Variants in TASP1 observed in about 807,000 individuals in gnomAD.
The protein encoded by TASP1 is threonine aspartase 1.
In TASP1, 16 loss-of-function variants were observed where a neutral mutation model predicts 56.6. The observed-to-expected ratio is 0.28, with a 90% CI of 0.19 to 0.43. The LOEUF (loss-of-function observed/expected upper bound fraction) is 0.43, where lower values mean the gene tolerates loss of function less well. Among genes scored for constraint, TASP1 ranks in the 20% least tolerant of loss-of-function variants. TASP1 has a pLI of 1.00. For missense variants in TASP1, 393 were observed against 511.6 expected (o/e 0.77, Z 2.24); for synonymous variants, 179 against 184.2 (o/e 0.97, Z 0.23).
At chr20:13,576,512 G>A (rs1160532981) in intron 6 of TASP1, among the ~76,000 whole-genome samples, 1 of 151,892 alleles carries the variant, frequency 6.6e-6, no homozygotes, top group East Asian at 1.9e-4. Flanking sequence ...ACAATGAACA[G>A]TTGGAAATTA....
chr20:13,565,583 A>G (rs964956219), intron 7 of TASP1, among the ~76,000 whole-genome samples: 4 of 152,322 alleles, frequency 2.6e-5, no homozygotes, highest in East Asian at 1.9e-4. Context: ...ATAAGCACAT[A>G]AAAAGACACT....
chr20:13,313,039 A>G, the TASP1 span, among the ~76,000 whole-genome samples: 7 of 152,282 alleles, frequency 4.6e-5, no homozygotes, highest in Middle Eastern at 3.4e-3. Flanking sequence ...GTCCCCCTCG[A>G]GCTAAAAGGC....
the TASP1 span, among the ~76,000 whole-genome samples, chr20:13,129,634 G>A: frequency 7.4e-4 from 112 of 152,324 alleles, no homozygotes; most frequent in African/African-American, 2.6e-3. Flanking sequence ...TGGTCTATAT[G>A]TCATCCGAAT....
chr20:13,577,541 A>G (rs2046966600), intron 6 of TASP1, among the ~76,000 whole-genome samples: 2 of 152,044 alleles, frequency 1.3e-5, no homozygotes, highest in South Asian at 4.1e-4. Flanking sequence ...AAATAATGAG[A>G]GTTGGATAAA....
At chr20:13,374,503 C>T in the TASP1 span, among the ~76,000 whole-genome samples, 70 of 152,170 alleles carry the variant, frequency 4.6e-4, no homozygotes, top group East Asian at 3.9e-4. Flanking sequence ...CGCCCGCCAC[C>T]GCGCCCGGCT....
At chr20:13,124,116 C>T in the TASP1 span, among the ~76,000 whole-genome samples, 2 of 152,270 alleles carry the variant, frequency 1.3e-5, no homozygotes, top group East Asian at 3.9e-4. Context: ...ATGGGGAAAA[C>T]CCACCCAGCT....
chr20:13,188,412 A>C, the TASP1 span, among the ~76,000 whole-genome samples: 15 of 152,204 alleles, frequency 9.9e-5, no homozygotes, highest in Non-Finnish European at 2.2e-4. Context: ...CAATCTGAAA[A>C]AGAAATCAAG....
At chr20:13,354,417 A>C in the TASP1 span, among the ~76,000 whole-genome samples, 1 of 152,334 alleles carries the variant, frequency 6.6e-6, no homozygotes, top group Admixed American at 6.5e-5. Context: ...CAGAAAGAGA[A>C]ATGTCACTTA....
At chr20:13,176,088 G>T in the TASP1 span, among the ~76,000 whole-genome samples, 1 of 152,154 alleles carries the variant, frequency 6.6e-6, no homozygotes, top group African/African-American at 2.4e-5. Flanking sequence ...GAGAAAATTA[G>T]TGAACCATAT....
At chr20:13,489,961 C>A (rs1381283370) in intron 10 of TASP1, among the ~76,000 whole-genome samples, 3 of 152,152 alleles carry the variant, frequency 2.0e-5, no homozygotes, top group African/African-American at 7.2e-5. Context: ...CATTCTTAAA[C>A]TATATACGTG....
At chr20:13,527,314 G>A (rs1013929912) in intron 10 of TASP1, among the ~76,000 whole-genome samples, 1 of 152,088 alleles carries the variant, frequency 6.6e-6, no homozygotes, top group Non-Finnish European at 1.5e-5. Flanking sequence ...TAGTGTGGTG[G>A]GGCAGAAACC....
chr20:13,142,364 A>G, the TASP1 span, among the ~76,000 whole-genome samples: 1 of 152,166 alleles, frequency 6.6e-6, no homozygotes, highest in African/African-American at 2.4e-5. Context: ...GTGATGTAAT[A>G]CATATGGAAT....
At chr20:13,298,907 A>C in the TASP1 span, 1 of 1,603,048 alleles carries the variant, frequency 6.2e-7, no homozygotes, top group South Asian at 1.1e-5. Flanking sequence ...CCGGTTGTAC[A>C]CGCGGTGAGA....
chr20:13,312,982 G>T, the TASP1 span, among the ~76,000 whole-genome samples: 1 of 152,142 alleles, frequency 6.6e-6, no homozygotes, highest in Admixed American at 6.5e-5. Context: ...GGGGTGTGGA[G>T]GAAGTAAAAT....
intron 11 of TASP1, among the ~76,000 whole-genome samples, chr20:13,474,658 G>A (rs567802664): frequency 1.6e-4 from 25 of 152,178 alleles, no homozygotes; most frequent in Admixed American, 1.5e-3. Context: ...CTCAGTAGTG[G>A]GACTGCTGGA....
At chr20:13,346,686 C>T in the TASP1 span, among the ~76,000 whole-genome samples, 2 of 152,238 alleles carry the variant, frequency 1.3e-5, no homozygotes, top group Non-Finnish European at 2.9e-5. Flanking sequence ...GGCTTTGAAA[C>T]TGGCGGCCCC....
At position 13,630,118 on chromosome 20, in the gene TASP1, T is replaced by C. The variant is rs2049031314; in HGVS notation, c.-40A>G. 6.3e-7 allele frequency: 1 copy of C among 1,588,380 alleles called. No individual in the cohort carries two copies. The highest frequency in any genetic ancestry group is 1.2e-5 in the South Asian group (1 of 86,186). On this transcript the variant is annotated 5_prime_UTR_variant, in exon 2 of 14. Transcript: ENST00000337743. The stretch of plus-strand genomic sequence containing the variant: ...ATCTTCTACTGAGAAAGGGGCATAC[T>C]TCCATCCAAAAGTAATTGCAGGAGA...
At chr20:13,453,838 G>A (rs888039844) in intron 11 of TASP1, among the ~76,000 whole-genome samples, 9 of 151,962 alleles carry the variant, frequency 5.9e-5, no homozygotes, top group Non-Finnish European at 1.2e-4. Flanking sequence ...ATAGTCCCAC[G>A]GAGGAAACAA....
At chr20:13,204,985 C>T in the TASP1 span, among the ~76,000 whole-genome samples, 2 of 152,224 alleles carry the variant, frequency 1.3e-5, no homozygotes, top group East Asian at 3.9e-4. Context: ...TGGAGGATAC[C>T]TAGGACCTTG....
Sources: gnomAD v4.1 joint callset for allele counts (sites outside exome capture counted in the v4.1 genomes callset) on GRCh38, gnomAD v4.1.1 for gene constraint, MANE v1.5 for transcripts, NCBI Gene and HGNC (gene_info 2026-07-23, HGNC 2026-07-21) for gene names.